Variants in XPO4 observed in about 807,000 individuals in gnomAD.
XPO4 encodes the protein exportin 4.
XPO4 carries 39 observed loss-of-function variants against 143.0 expected under a neutral mutation model. The observed-to-expected ratio is 0.27, with a 90% CI of 0.21 to 0.36. The LOEUF is 0.36. Ranked by LOEUF, XPO4 falls within the 10% of genes least tolerant of loss-of-function variation. The pLI is 1.00. For synonymous variants in XPO4, 439 were observed against 474.0 expected, an observed-to-expected ratio of 0.93 and a Z score of 0.96; for missense variants, 907 against 1,348.0, an observed-to-expected ratio of 0.67 and a Z score of 5.12.
At chr13:20,866,302 G>C in intron 2 of XPO4, 1 of 984,648 alleles carries the variant, frequency 1.0e-6, no homozygotes, top group Non-Finnish European at 1.2e-6. Context: ...AAAAGGATAA[G>C]AAGAGAAAGA....
Position 20,779,185 on chromosome 13 carries a change from G to GT in XPO4, c.*4536dup, listed in dbSNP as rs2059113409. On this transcript the variant is annotated 3_prime_UTR_variant, in exon 23 of 23. Transcript: ENST00000255305. The stretch of plus-strand genomic sequence containing the variant: ...TAAAAAATTTTACACGTGCTGAGTG[G>GT]TAGCAGTGCTAACATTTTTGTGACC... 6.6e-6 allele frequency: 1 copy of GT among 152,458 alleles called. No homozygotes were observed. The highest frequency in any genetic ancestry group is 1.5e-5 in the Non-Finnish European group (1 of 68,030). 9.4% of individuals were successfully genotyped at this position (152,458 alleles called of 1,614,324 possible).
At chr13:20,886,633 T>A (rs1470427183) in intron 1 of XPO4, among the ~76,000 whole-genome samples, 1 of 151,072 alleles carries the variant, frequency 6.6e-6, no homozygotes, top group African/African-American at 2.4e-5. Context: ...AAAATAAAAC[T>A]ATAGTTTACA....
intron 15 of XPO4, 122 bp from the exon 16 acceptor site, chr13:20,799,461 G>T: frequency 1.2e-6 from 1 of 837,248 alleles, no homozygotes; most frequent in Non-Finnish European, 1.7e-6. Flanking sequence ...TTAAAGCAAA[G>T]TACAGTAAAC....
At position 20,826,338 on chromosome 13, in the gene XPO4, G is replaced by A. The variant is rs982125835; in HGVS notation, c.840+729C>T. On this transcript the variant is annotated intron_variant, in intron 7 of 22. Transcript: ENST00000255305. The stretch of plus-strand genomic sequence containing the variant: ...AACCAATGACTCATAAATATAATAA[G>A]TATAAAACCTACACTCTAGAATAGC... Among the ~76,000 whole-genome samples, 3 of 152,140 alleles carry A rather than the reference G, an allele frequency of 2.0e-5. No homozygotes were observed. In the East Asian group the frequency reaches 5.8e-4, roughly 29 times the overall value.
intron 1 of XPO4, among the ~76,000 whole-genome samples, chr13:20,896,104 G>A (rs1157349769): frequency 1.3e-5 from 2 of 152,098 alleles, no homozygotes; most frequent in Non-Finnish European, 2.9e-5. Context: ...TTTATTCTTA[G>A]TTCTGTTTCT....
At chr13:20,869,769 C>A (rs1193704563) in intron 1 of XPO4, 1 of 178,032 alleles carries the variant, frequency 5.6e-6, no homozygotes, top group African/African-American at 2.4e-5. Flanking sequence ...TCATATAGCA[C>A]CCTCTACAGT....
intron 6 of XPO4, among the ~76,000 whole-genome samples, chr13:20,836,819 C>T (rs2059922359): frequency 6.6e-6 from 1 of 152,216 alleles, no homozygotes; most frequent in African/African-American, 2.4e-5. Flanking sequence ...TTAGCAGTCA[C>T]CTCCTACTTT....
chr13:20,804,560 G>A (rs925102021), intron 13 of XPO4, among the ~76,000 whole-genome samples: 2 of 152,030 alleles, frequency 1.3e-5, no homozygotes, highest in Admixed American at 6.6e-5. Flanking sequence ...GGGGAACCAG[G>A]AGCTCCTATA....
rs2059115521 is a variant in XPO4 at position 20,779,418 on chromosome 13, GTATGTATCTGACAGTTCC to G, written c.*4286_*4303del. Reference sequence around the variant, plus strand: ...TTCAGGCTAGGAAAATTAGCTACTAGTATGTATCTGACAGTTCCTAATAGCTAAGAGGCCTAAGAATGC... The same window carrying G: ...TTCAGGCTAGGAAAATTAGCTACTAGTAATAGCTAAGAGGCCTAAGAATGC... On this transcript the variant is annotated 3_prime_UTR_variant, in exon 23 of 23. Transcript: ENST00000255305. 6.6e-6 allele frequency: 1 copy of G among 152,564 alleles called. No homozygotes were observed. Among genetic ancestry groups the G allele is most frequent in the African/African-American group, 2.4e-5 (1 of 41,426 alleles). The allele number at this position is 152,564 out of a possible 1,614,324, so 9.5% of individuals were successfully genotyped here.
At chr13:20,810,119 C>CTAAGT in intron 9 of XPO4, 152 bp from the exon 10 acceptor site, 2 of 409,170 alleles carry the variant, frequency 4.9e-6, no homozygotes, top group African/African-American at 4.1e-5. Context: ...TAAAATCTTT[C>CTAAGT]TAAGTTCAAG....
chr13:20,831,802 T>G (rs1040442885), intron 6 of XPO4, among the ~76,000 whole-genome samples: 1 of 127,684 alleles, frequency 7.8e-6, no homozygotes, highest in African/African-American at 2.9e-5. Context: ...TTTAGTACAG[T>G]GATTTTTTTT....
chr13:20,778,422 T>TA lies in XPO4; in HGVS notation c.*5299dup, dbSNP rs1412972204. ...CTTTAAAAATTAACTTTTCACTTCA[T>TA]ATGTTTACAAGATTTAACACTGGGC... On this transcript the variant is annotated 3_prime_UTR_variant, in exon 23 of 23. Coordinates refer to ENST00000255305, the MANE Select transcript of XPO4 (RefSeq NM_022459.5). 2.0e-4 allele frequency: 31 copies of TA among 152,320 alleles called. No individual in the cohort carries two copies. Among genetic ancestry groups the TA allele is most frequent in the African/African-American group, 5.8e-4 (24 of 41,572 alleles). The allele number at this position is 152,320 out of a possible 1,614,324, so 9.4% of individuals were successfully genotyped here.
chr13:20,846,889 T>C (rs2060034574), intron 4 of XPO4, among the ~76,000 whole-genome samples: 1 of 152,196 alleles, frequency 6.6e-6, no homozygotes, highest in Non-Finnish European at 1.5e-5. Context: ...TCTATTTAAA[T>C]ATACCACTTA....
At chr13:20,830,445 C>T (rs183892714) in intron 6 of XPO4, among the ~76,000 whole-genome samples, 1 of 152,280 alleles carries the variant, frequency 6.6e-6, no homozygotes, top group Admixed American at 6.5e-5. Flanking sequence ...AACTAATCTA[C>T]AACACTGCAG....
intron 1 of XPO4, among the ~76,000 whole-genome samples, chr13:20,873,152 T>C (rs2060318031): frequency 6.7e-6 from 1 of 149,244 alleles, no homozygotes; most frequent in Admixed American, 6.7e-5. Flanking sequence ...GTTTCCAGAG[T>C]TGGAGCTCAC....
intron 1 of XPO4, among the ~76,000 whole-genome samples, chr13:20,888,881 C>T (rs985850398): frequency 6.6e-6 from 1 of 151,928 alleles, no homozygotes; most frequent in Non-Finnish European, 1.5e-5. Context: ...CGGCTCACTG[C>T]AACCTCCACC....
At position 20,779,766 on chromosome 13, in the gene XPO4, A is replaced by C. The variant is rs1394765001; in HGVS notation, c.*3956T>G. ...GCTTCTATTTTTATTTGAACCAAACATATTCTTTGGTTAACTATGTCATGG... is the reference window on the plus strand; with the variant it reads ...GCTTCTATTTTTATTTGAACCAAACCTATTCTTTGGTTAACTATGTCATGG... On this transcript the variant is annotated 3_prime_UTR_variant, in exon 23 of 23. Transcript: ENST00000255305. 2 of 152,616 alleles carry C rather than the reference A, an allele frequency of 1.3e-5. No homozygotes were observed. The highest frequency in any genetic ancestry group is 2.9e-5 in the Non-Finnish European group (2 of 68,036). 9.5% of individuals were successfully genotyped at this position (152,616 alleles called of 1,614,324 possible). A position where few individuals can be genotyped will look rare whatever the true frequency, so the allele number is the denominator to read the frequency against.
chr13:20,888,679 T>C (rs1041614337), intron 1 of XPO4, among the ~76,000 whole-genome samples: 1 of 152,046 alleles, frequency 6.6e-6, no homozygotes, highest in African/African-American at 2.4e-5. Flanking sequence ...TTGAAAGGTT[T>C]CATTGAATAC....
Position 20,788,581 on chromosome 13 carries a change from G to A in XPO4, c.2952C>T (p.Ile984=). The A allele has an allele frequency of 6.2e-7, 1 of 1,611,650 alleles. No homozygotes were observed. The highest frequency in any genetic ancestry group is 8.5e-7 in the Non-Finnish European group (1 of 1,178,936). The change falls in exon 20 of 23, where the codon ATC becomes ATT. Residue 984 remains isoleucine, a synonymous_variant. Coordinates refer to ENST00000255305, the MANE Select transcript of XPO4 (RefSeq NM_022459.5). ...CAGGAAAAATCTCACAGATAAATGT[G>A]ATTAATTTGTAGTACTGATTACAAA... ...PTLCNQYYKL[I]TFICEIFPEK...
Sources: gnomAD v4.1 joint callset for allele counts (sites outside exome capture counted in the v4.1 genomes callset) on GRCh38, gnomAD v4.1.1 for gene constraint, MANE v1.5 for transcripts, NCBI Gene and HGNC (gene_info 2026-07-23, HGNC 2026-07-21) for gene names.